Variants in LMNB2 observed in about 807,000 individuals in gnomAD.
The protein encoded by LMNB2 is lamin-B2.
LMNB2 carries 17 observed loss-of-function variants against 69.3 expected under a neutral mutation model. The ratio of observed to expected loss-of-function variants is 0.25; its 90% confidence interval spans 0.17 to 0.37. The LOEUF is 0.37. LMNB2 is among the 10% of genes least tolerant of loss of function. The probability of loss-of-function intolerance (pLI) is 1.00; values close to 1 mark genes in which losing one functional copy is unlikely to be tolerated. For missense variants in LMNB2, 789 were observed against 883.6 expected (o/e 0.89, Z 1.36); for synonymous variants, 397 against 389.3 (o/e 1.02, Z -0.23).
In LMNB2 at chr19:2,434,405, C is replaced by T; in HGVS notation, c.1092G>A (p.Arg364=). The T allele has an allele frequency of 6.2e-7, 1 of 1,613,482 alleles. No homozygotes were observed. The highest frequency in any genetic ancestry group is 1.3e-5 in the African/African-American group (1 of 75,070). Residue 364 remains arginine (R), a synonymous_variant, in exon 7 of 12, where the codon CGG becomes CGA. Coordinates refer to ENST00000325327, the MANE Select transcript of LMNB2 (RefSeq NM_032737.4). ...DAKEQEMTEM[R]DVMQQQLAEY... Reference sequence around the variant, plus strand: ...CGGCCAGCTGCTGCTGCATCACGTCCCGCATCTCCGTCATCTCCTGCTCCT... The same window carrying T: ...CGGCCAGCTGCTGCTGCATCACGTCTCGCATCTCCGTCATCTCCTGCTCCT...
Position 2,432,442 on chromosome 19 carries a change from T to G in LMNB2, c.1564A>C (p.Ile522Leu). 6.2e-7 allele frequency: 1 copy of G among 1,612,972 alleles called. No individual in the cohort carries two copies. The highest frequency in any genetic ancestry group is 1.1e-5 in the South Asian group (1 of 91,058). The stretch of plus-strand genomic sequence containing the variant: ...GTGACCATCTGGCCGGCGCGCAGGA[T>G]GTACTTGGGCGTGAACTTGTAGGCG... Reference protein sequence around the residue: ...EIAYKFTPKYILRAGQMVTVW... With the variant: ...EIAYKFTPKYLLRAGQMVTVW... Residue 522 changes from isoleucine (I) to leucine (L), a missense_variant, in exon 9 of 12, where the codon ATC (isoleucine) becomes CTC (leucine). Physicochemically the swap from Ile to Leu is conservative, Grantham distance 5 (BLOSUM62 2). Transcript: ENST00000325327.
intron 3 of LMNB2, 27 bp downstream of exon 3, chr19:2,438,348 G>T: frequency 6.2e-7 from 1 of 1,613,354 alleles, no homozygotes; most frequent in South Asian, 1.1e-5. Flanking sequence ...TACCCTGCTG[G>T]GGCGTCCCGT....
rs1971805012 is a variant in LMNB2 at position 2,435,058 on chromosome 19, C to T, written c.798G>A (p.Gln266=). The change falls in exon 5 of 12, where the codon CAG becomes CAA. Residue 266 remains glutamine, a synonymous_variant. Coordinates refer to ENST00000325327, the MANE Select transcript of LMNB2 (RefSeq NM_032737.4). ...TGTAGAGCCGCACTTGCTCGTCGTG[C>T]TGGCTCCGCAGCTCCTCCAGCGCCT... ...MAQALEELRS[Q]HDEQVRLYKL... The T allele has an allele frequency of 6.2e-7, 1 of 1,608,422 alleles. No homozygotes were observed. The highest frequency in any genetic ancestry group is 1.3e-5 in the African/African-American group (1 of 74,926).
rs1599337652 is a variant in LMNB2 at position 2,443,562 on chromosome 19, G to A, written c.401+842C>T. Reference sequence around the variant, plus strand: ...GGCCTGCGTGGCTCTGGGAGAATGAGCAGTGTGGGAAGACCCTGACCCACC... The same window carrying A: ...GGCCTGCGTGGCTCTGGGAGAATGAACAGTGTGGGAAGACCCTGACCCACC... On this transcript the variant is annotated intron_variant, in intron 2 of 11. Coordinates refer to ENST00000325327, the MANE Select transcript of LMNB2 (RefSeq NM_032737.4). The surrounding 1 kb of genome is among the most constrained non-coding windows in gnomAD (Gnocchi z 6.2). Among the ~76,000 whole-genome samples the A allele has an allele frequency of 6.6e-6, 1 of 152,148 alleles. No individual in the cohort carries two copies. The highest frequency in any genetic ancestry group is 1.5e-5 in the Non-Finnish European group (1 of 68,020).
rs112442657 is a variant in LMNB2 at position 2,453,164 on chromosome 19, T to C, written c.264+3506A>G. Among the ~76,000 whole-genome samples the C allele has an allele frequency of 0.065, 9,851 of 152,142 alleles. 451 individuals are homozygous for C. Among genetic ancestry groups the C allele is most frequent in the Middle Eastern group, 0.13 (37 of 294 alleles). ...AGCAGTACCCAGCCTCCACCCACGC[T>C]GTGCCGATGCCGTCTCCCTCCCAAT... On this transcript the variant is annotated intron_variant, in intron 1 of 11. Transcript: ENST00000325327. This position sits in a 1 kb window ranked among gnomAD's most constrained non-coding sequence, Gnocchi z 4.4.
At chr19:2,444,312 G>A in intron 2 of LMNB2, 92 bp downstream of exon 2, 1 of 1,458,822 alleles carries the variant, frequency 6.9e-7, no homozygotes, top group Non-Finnish European at 9.5e-7. Flanking sequence ...CCGTATCAGA[G>A]CATGCCCCGC....
At chr19:2,436,756 G>A in intron 4 of LMNB2, 2 of 155,402 alleles carry the variant, frequency 1.3e-5, no homozygotes, top group Non-Finnish European at 1.4e-5. Flanking sequence ...CACCTCCACG[G>A]CCGCCCTTCC....
chr19:2,440,668 T>G (rs1971889506), intron 2 of LMNB2, among the ~76,000 whole-genome samples: 1 of 150,628 alleles, frequency 6.6e-6, no homozygotes, highest in Non-Finnish European at 1.5e-5. Context: ...ATCATCTCCA[T>G]CCATCCATCC....
At position 2,434,907 on chromosome 19, in the gene LMNB2, T is replaced by A. The variant is rs1971801071; in HGVS notation, c.862A>T (p.Ser288Cys). Residue 288 changes from serine to cysteine, a missense_variant, in exon 6 of 12, where the codon AGC (serine) becomes TGC (cysteine). Transcript: ENST00000325327. ...TTCTGGTCAGAGCTCAGCTTGGCGCTGTCCAGCTGTGGGGAGACGGGCGGG... is the reference window on the plus strand; with the variant it reads ...TTCTGGTCAGAGCTCAGCTTGGCGCAGTCCAGCTGTGGGGAGACGGGCGGG... ...LEQTYQAKLD[S>C]AKLSSDQNDK... 2 of 1,603,316 alleles carry A rather than the reference T, an allele frequency of 1.2e-6. No homozygotes were observed. The highest frequency in any genetic ancestry group is 8.5e-7 in the Non-Finnish European group (1 of 1,178,602).
At position 2,434,481 on chromosome 19, in the gene LMNB2, T is replaced by G. The variant is rs778624588; in HGVS notation, c.1016A>C (p.Glu339Ala). 4 of 1,613,144 alleles carry G rather than the reference T, an allele frequency of 2.5e-6. No homozygotes were observed. In the Admixed American group the frequency reaches 6.7e-5, roughly 27 times the overall value. ...GTCCCGCTCCCCGGCCATGGCCTCC[T>G]CCAGCTCCCGAATGCGATCTTCAGC... ...SAAEDRIRELEEAMAGERDKF... is the reference protein window; with the variant it reads ...SAAEDRIRELAEAMAGERDKF... Residue 339 changes from glutamate (E) to alanine (A), a missense_variant, in exon 7 of 12, where the codon GAG becomes GCG. Glu to Ala is a moderately radical substitution (Grantham distance 107). This residue lies in a region of LMNB2 where 609 missense variants were observed against 630.9 expected (regional missense o/e 0.97). Coordinates refer to ENST00000325327, the MANE Select transcript of LMNB2 (RefSeq NM_032737.4).
In LMNB2 at chr19:2,443,033, G is replaced by T. The variant is rs1201406650; in HGVS notation, c.401+1371C>A. On this transcript the variant is annotated intron_variant, in intron 2 of 11. Transcript: ENST00000325327. This position sits in a 1 kb window ranked among gnomAD's most constrained non-coding sequence, Gnocchi z 6.2. The stretch of plus-strand genomic sequence containing the variant: ...CTCTAGTCATCCCACAGCCTGCATG[G>T]CTCCACTGATGAACCTGCTTATTAA... Among the ~76,000 whole-genome samples the T allele has an allele frequency of 6.6e-6, 1 of 152,216 alleles. No individual in the cohort carries two copies. Among genetic ancestry groups the T allele is most frequent in the Non-Finnish European group, 1.5e-5 (1 of 68,036 alleles).
intron 7 of LMNB2, 52 bp downstream of exon 7, chr19:2,434,243 G>A: frequency 1.3e-6 from 2 of 1,591,210 alleles, no homozygotes; most frequent in South Asian, 1.1e-5. Flanking sequence ...CTCTCCTCCT[G>A]CCCTGCCCCT....
rs1971788478 is a variant in LMNB2 at position 2,434,192 on chromosome 19, AC to A, written c.1203-88del. 3 of 1,499,594 alleles carry A rather than the reference AC, an allele frequency of 2.0e-6. No homozygotes were observed. In the African/African-American group the frequency reaches 4.4e-5, roughly 22 times the overall value. The allele number at this position is 1,499,594 out of a possible 1,614,324, so 92.9% of individuals were successfully genotyped here. A position where few individuals can be genotyped will look rare whatever the true frequency, so the allele number is the denominator to read the frequency against. On this transcript the variant is annotated intron_variant, in intron 7 of 11. Transcript: ENST00000325327. ...AGAGTGGCGGCCACGGCCCGGCCCCACCTCCACCCCTGCCCAGCACTCCCCG... is the reference window on the plus strand; with the variant it reads ...AGAGTGGCGGCCACGGCCCGGCCCCACTCCACCCCTGCCCAGCACTCCCCG...
Position 2,430,679 on chromosome 19 carries a change from G to A in LMNB2, c.*232C>T, listed in dbSNP as rs538934155. 1.6e-6 allele frequency: 1 copy of A among 612,052 alleles called. No individual in the cohort carries two copies. The highest frequency in any genetic ancestry group is 1.8e-5 in the South Asian group (1 of 55,950). The allele number at this position is 612,052 out of a possible 1,614,324, so 37.9% of individuals were successfully genotyped here. On this transcript the variant is annotated 3_prime_UTR_variant, in exon 12 of 12. Coordinates refer to ENST00000325327, the MANE Select transcript of LMNB2 (RefSeq NM_032737.4). ...GGCTTCCAATTTGACCAAATGGTGA[G>A]ATGAGGAGTGGGGTGGGATTGAAAA... is the stretch of plus-strand genomic sequence containing the variant.
rs185465611 is a variant in LMNB2 at position 2,444,604 on chromosome 19, G to A, written c.265-64C>T. 6.0e-5 allele frequency: 95 copies of A among 1,593,812 alleles called. 2 individuals carry two copies. In the East Asian group the frequency reaches 1.0e-3, roughly 18 times the overall value. On this transcript the variant is annotated intron_variant, in intron 1 of 11. Transcript: ENST00000325327. ...TTCCCCTTGGACTACAGCAGTCAGG[G>A]GGCCCGGCCACTGGCCCTGCTCAGA...
At chr19:2,434,714 A>G (rs1971798026) in intron 6 of LMNB2, 74 bp downstream of exon 6, 1 of 1,540,808 alleles carries the variant, frequency 6.5e-7, no homozygotes, top group Admixed American at 1.9e-5. Context: ...CCAGAGCCCC[A>G]CGCCCCGCAC....
chr19:2,434,961 T>TCCCCCCCGCCCCCCCCCCCCCCCCC, intron 5 of LMNB2, 40 bp downstream of exon 5: 2 of 1,582,994 alleles, frequency 1.3e-6, no homozygotes, highest in Non-Finnish European at 1.7e-6. Context: ...GGGGCGGGGT[T>TCCCCCCCGCCCCCCCCCCCCCCCCC]CCCACCGGCC....
chr19:2,439,656 G>A (rs1179140313), intron 2 of LMNB2, among the ~76,000 whole-genome samples: 1 of 152,070 alleles, frequency 6.6e-6, no homozygotes, highest in Non-Finnish European at 1.5e-5. Context: ...ACATCCAGGC[G>A]GCTCGAGCCC....
At chr19:2,434,165 G>T (rs567242414) in intron 7 of LMNB2, 60 bp from the exon 8 acceptor site, 86 of 1,552,902 alleles carry the variant, frequency 5.5e-5, no homozygotes, top group Non-Finnish European at 7.3e-5. Flanking sequence ...CCCAGGGCAC[G>T]CAGAGTGGCG....
Sources: gnomAD v4.1 joint callset for allele counts (sites outside exome capture counted in the v4.1 genomes callset) on GRCh38, gnomAD v4.1.1 for gene constraint, gnomAD v4.1.1 regional missense constraint, Gnocchi (gnomAD v3.1) non-coding constraint, MANE v1.5 for transcripts, NCBI Gene and HGNC (gene_info 2026-07-23, HGNC 2026-07-21) for gene names.